The following IRAK1BP1 variants were observed in gnomAD, a reference collection of about 807,000 sequenced individuals.
The protein encoded by IRAK1BP1 is interleukin-1 receptor-associated kinase 1-binding protein 1.
In IRAK1BP1, 24 loss-of-function variants were observed where a neutral mutation model predicts 28.0. The ratio of observed to expected loss-of-function variants is 0.86; its 90% confidence interval spans 0.62 to 1.20. The LOEUF is 1.20. Among genes scored for constraint, IRAK1BP1 ranks in the 50% most tolerant of loss-of-function variants. IRAK1BP1 has a pLI of 0.00. For synonymous variants in IRAK1BP1, 131 were observed against 116.3 expected (o/e 1.13, Z -0.81); for missense variants, 336 against 316.7 (o/e 1.06, Z -0.46).
At chr6:78,920,330 G>A (rs1772689482) in intron 4 of IRAK1BP1, among the ~76,000 whole-genome samples, 1 of 151,954 alleles carries the variant, frequency 6.6e-6, no homozygotes, top group African/African-American at 2.4e-5. Context: ...AATAACCAAA[G>A]CAATCCTAAG....
chr6:78,892,684 AG>A (rs1266240070), intron 2 of IRAK1BP1, among the ~76,000 whole-genome samples: 1 of 152,196 alleles, frequency 6.6e-6, no homozygotes, highest in Non-Finnish European at 1.5e-5. Context: ...TTTTGGCTGT[AG>A]TTCACATGCT....
intron 2 of IRAK1BP1, among the ~76,000 whole-genome samples, chr6:78,897,086 CA>C (rs948199805): frequency 1.3e-4 from 20 of 150,902 alleles, no homozygotes; most frequent in Non-Finnish European, 1.9e-4. Flanking sequence ...TCCACCTCTA[CA>C]AAAAAAATTT....
At chr6:78,977,389 G>A in the IRAK1BP1 span, among the ~76,000 whole-genome samples, 16,179 of 151,334 alleles carry the variant, frequency 0.11, 882 homozygotes, top group Middle Eastern at 0.19. Context: ...GGTGGGGGAC[G>A]GGGGAGGGAT....
chr6:78,881,764 A>G (rs1011726966), intron 1 of IRAK1BP1, among the ~76,000 whole-genome samples: 1 of 152,168 alleles, frequency 6.6e-6, no homozygotes, highest in Non-Finnish European at 1.5e-5. Flanking sequence ...GTATTTGTTA[A>G]TAAGTCTGAA....
chr6:78,912,812 C>T (rs1172591618), intron 4 of IRAK1BP1, among the ~76,000 whole-genome samples: 1 of 152,036 alleles, frequency 6.6e-6, no homozygotes, highest in African/African-American at 2.4e-5. Flanking sequence ...AAGAATATGC[C>T]ACCAGAAATG....
intron 4 of IRAK1BP1, among the ~76,000 whole-genome samples, chr6:78,928,731 T>C (rs1383987441): frequency 2.0e-5 from 3 of 152,200 alleles, no homozygotes; most frequent in Non-Finnish European, 4.4e-5. Flanking sequence ...CATGAAGGGA[T>C]GTTGAATTTC....
the IRAK1BP1 span, chr6:78,969,727 A>G: frequency 1.8e-6 from 1 of 556,918 alleles, no homozygotes. Context: ...TACAAATAGC[A>G]AAAAGATTTC....
intron 4 of IRAK1BP1, among the ~76,000 whole-genome samples, chr6:78,931,157 T>C (rs185879272): frequency 7.2e-5 from 11 of 152,162 alleles, no homozygotes; most frequent in Admixed American, 5.2e-4. Flanking sequence ...TCTTAGCACA[T>C]TGGAAGGCCA....
chr6:78,898,411 A>AATATTTATATATATATAT lies in IRAK1BP1; in HGVS notation c.*81_*82insTTATATATATATATATAT, dbSNP rs1771976023. The AATATTTATATATATATAT allele has an allele frequency of 1.2e-5, 1 of 86,344 alleles. No individual in the cohort carries two copies. The highest frequency in any genetic ancestry group is 6.5e-5 in the African/African-American group (1 of 15,430). The allele number at this position is 86,344 out of a possible 1,614,324, so 5.3% of individuals were successfully genotyped here. ...TTTTATAATGTTTACGTTTGTCCTG[A>AATATTTATATATATATAT]ATATATATATATATATATATATATA... On this transcript the variant is annotated 3_prime_UTR_variant, in exon 4 of 4. Coordinates refer to ENST00000369940, the MANE Select transcript of IRAK1BP1 (RefSeq NM_001010844.4).
At chr6:78,972,275 C>T in the IRAK1BP1 span, among the ~76,000 whole-genome samples, 1 of 152,168 alleles carries the variant, frequency 6.6e-6, no homozygotes, top group East Asian at 1.9e-4. Context: ...CACACTGACA[C>T]CTCACACTGC....
At chr6:78,871,169 T>A (rs756611841) in intron 1 of IRAK1BP1, 7 of 687,052 alleles carry the variant, frequency 1.0e-5, no homozygotes, top group Non-Finnish European at 1.3e-5. Context: ...ATATAGTGAA[T>A]GCTACCAAGA....
At chr6:78,970,996 T>C in the IRAK1BP1 span, 10 of 696,394 alleles carry the variant, frequency 1.4e-5, no homozygotes, top group African/African-American at 1.1e-4. Context: ...TTTCAGCTAA[T>C]AGAAATTCTA....
the IRAK1BP1 span, chr6:78,965,826 A>C: frequency 2.5e-6 from 3 of 1,189,874 alleles, no homozygotes; most frequent in Non-Finnish European, 3.7e-6. Context: ...ATTTTAATAA[A>C]ATCAATTATC....
chr6:78,972,511 G>A, the IRAK1BP1 span, among the ~76,000 whole-genome samples: 1 of 152,192 alleles, frequency 6.6e-6, no homozygotes, highest in Non-Finnish European at 1.5e-5. Flanking sequence ...ACCAGCAATG[G>A]AACAAAGCTG....
chr6:78,967,539 G>C, the IRAK1BP1 span, among the ~76,000 whole-genome samples: 1 of 152,220 alleles, frequency 6.6e-6, no homozygotes, highest in African/African-American at 2.4e-5. Context: ...TTTCCGAGGA[G>C]GGGCTGAAGT....
At chr6:78,953,194 G>A in the IRAK1BP1 span, among the ~76,000 whole-genome samples, 1 of 152,024 alleles carries the variant, frequency 6.6e-6, no homozygotes, top group East Asian at 1.9e-4. Context: ...AACCACTGGG[G>A]GAAACATTCT....
downstream of IRAK1BP1, among the ~76,000 whole-genome samples, chr6:78,907,060 T>C: frequency 6.6e-6 from 1 of 152,170 alleles, no homozygotes; most frequent in African/African-American, 2.4e-5. Flanking sequence ...AACACAGAGT[T>C]GCAAACTGTC....
chr6:78,908,661 G>A (rs746295845), intron 4 of IRAK1BP1, among the ~76,000 whole-genome samples: 2 of 152,204 alleles, frequency 1.3e-5, no homozygotes, highest in Non-Finnish European at 2.9e-5. Flanking sequence ...TCATTGGTCA[G>A]TGTTCAATAG....
the IRAK1BP1 span, among the ~76,000 whole-genome samples, chr6:78,971,729 T>C: frequency 6.6e-6 from 1 of 151,546 alleles, no homozygotes; most frequent in East Asian, 1.9e-4. Context: ...GCACAGGGAG[T>C]CAGGGAGTTC....
Sources: allele counts gnomAD v4.1 joint callset (sites outside exome capture counted in the v4.1 genomes callset), GRCh38; gene constraint gnomAD v4.1.1; transcripts MANE v1.5; gene names NCBI Gene and HGNC (gene_info 2026-07-23, HGNC 2026-07-21).